Variants in IMPG2 observed in about 807,000 individuals in gnomAD.
The protein encoded by IMPG2 is interphotoreceptor matrix proteoglycan 2.
IMPG2 carries 91 observed loss-of-function variants against 129.2 expected under a neutral mutation model. That is an observed-to-expected ratio of 0.70 (90% confidence interval 0.59 to 0.84). IMPG2 has a LOEUF of 0.84. Among genes scored for constraint, IMPG2 ranks in the 40% least tolerant of loss-of-function variants. The probability of loss-of-function intolerance (pLI) is 0.00; values close to 1 mark genes in which losing one functional copy is unlikely to be tolerated. For synonymous variants in IMPG2, 510 were observed against 517.7 expected (o/e 0.99, Z 0.20); for missense variants, 1,430 against 1,461.7 (o/e 0.98, Z 0.35).
intron 2 of IMPG2, among the ~76,000 whole-genome samples, chr3:101,312,081 A>G (rs1399486103): frequency 6.6e-6 from 1 of 152,156 alleles, no homozygotes; most frequent in African/African-American, 2.4e-5. Flanking sequence ...CCAAAACTAT[A>G]AAACTCTTAG....
rs2107220253 is a variant in IMPG2 at position 101,244,297 on chromosome 3, C to A, written c.2034G>T (p.Glu678Asp). ...EHDDRSTHFP[E>D]EEPLSGPAVP... ...CAGCAGGCCCACTAAGAGGCTCTTC[C>A]TCTGGAAAGTGTGTGGATCTGTCAT... The change falls in exon 13 of 19, where the codon GAG becomes GAT. Residue 678 changes from glutamate (E) to aspartate (D), a missense_variant. By Grantham distance (45) the Glu-to-Asp change is conservative. Transcript: ENST00000193391. The A allele has an allele frequency of 6.2e-7, 1 of 1,614,008 alleles. No individual in the cohort carries two copies. The highest frequency in any genetic ancestry group is 8.5e-7 in the Non-Finnish European group (1 of 1,179,988).
intron 7 of IMPG2, among the ~76,000 whole-genome samples, chr3:101,273,002 C>T (rs1215851010): frequency 3.3e-5 from 5 of 152,082 alleles, no homozygotes; most frequent in African/African-American, 1.2e-4. Flanking sequence ...AGTTTAAGTC[C>T]TATATAGAAT....
At chr3:101,319,552 T>A in intron 2 of IMPG2, 32 bp downstream of exon 2, 1 of 1,611,676 alleles carries the variant, frequency 6.2e-7, no homozygotes, top group Non-Finnish European at 8.5e-7. Flanking sequence ...TGAATTTCAT[T>A]ATGGAGCTGA....
At chr3:101,245,254 T>C (rs1706463520) in intron 12 of IMPG2, among the ~76,000 whole-genome samples, 2 of 152,202 alleles carry the variant, frequency 1.3e-5, no homozygotes, top group African/African-American at 2.4e-5. Context: ...TTCATCTTCC[T>C]CATTTCACAT....
rs56717430 is a variant in IMPG2, at chr3:101,320,020, T to C, written c.86-188A>G. 9.9e-3 allele frequency among the ~76,000 whole-genome samples: 1,502 copies of C among 152,204 alleles called. 28 individuals carry two copies. The highest frequency in any genetic ancestry group is 0.034 in the African/African-American group (1,420 of 41,546). On this transcript the variant is annotated intron_variant, in intron 1 of 18. Coordinates refer to ENST00000193391, the MANE Select transcript of IMPG2 (RefSeq NM_016247.4). ...TCTTTTTCCATTTAACTCCCACTCC[T>C]TTCATTCAAGATTGTTATCAAAATC...
chr3:101,273,439 T>C (rs1336764528), intron 7 of IMPG2, 142 bp downstream of exon 7: 2 of 799,264 alleles, frequency 2.5e-6, no homozygotes, highest in Non-Finnish European at 4.0e-6. Context: ...CAGAGTTTTC[T>C]GAAGAAATGG....
chr3:101,320,419 A>T lies in IMPG2; in HGVS notation c.-47T>A, dbSNP rs369389148. ...GAGGAGAGGACAGAATCCTTAATTGAGTGTCCAAATCCTTGAAACTTCCAA... is the reference window on the plus strand; with the variant it reads ...GAGGAGAGGACAGAATCCTTAATTGTGTGTCCAAATCCTTGAAACTTCCAA... On this transcript the variant is annotated 5_prime_UTR_variant, in exon 1 of 19. Transcript: ENST00000193391. 35 of 1,168,160 alleles carry T rather than the reference A, an allele frequency of 3.0e-5. 1 individual carries two copies. The African/African-American group carries it at 5.0e-4, about 17-fold the overall frequency. 72.4% of individuals were successfully genotyped at this position (1,168,160 alleles called of 1,614,324 possible).
In IMPG2 at chr3:101,244,185, A is replaced by G. The variant is rs779190337; in HGVS notation, c.2146T>C (p.Ser716Pro). Reference protein sequence around the residue: ...ISEVPGVDDYSVTKAPLILTS... With the variant: ...ISEVPGVDDYPVTKAPLILTS... ...AGTATAAGAGGTGCTTTGGTAACTG[A>G]GTAATCATCAACACCAGGTACTTCT... The change falls in exon 13 of 19, where the codon TCA becomes CCA. Residue 716 changes from serine to proline, a missense_variant. Physicochemically the swap from Ser to Pro is moderately conservative, Grantham distance 74. Transcript: ENST00000193391. 7 of 1,613,922 alleles carry G rather than the reference A, an allele frequency of 4.3e-6. No homozygotes were observed. The East Asian group carries it at 1.6e-4, about 36-fold the overall frequency.
intron 2 of IMPG2, among the ~76,000 whole-genome samples, chr3:101,307,718 C>G (rs541178469): frequency 2.0e-4 from 30 of 152,260 alleles, no homozygotes; most frequent in African/African-American, 6.7e-4. Context: ...GGGATACAGG[C>G]AAACTGTATC....
chr3:101,273,807 GA>G (rs1228840444), intron 6 of IMPG2, 65 bp from the exon 7 acceptor site: 23 of 1,476,010 alleles, frequency 1.6e-5, no homozygotes, highest in Non-Finnish European at 2.1e-5. Context: ...AACATTTATT[GA>G]TTGTTTCAAT....
intron 2 of IMPG2, among the ~76,000 whole-genome samples, chr3:101,314,579 A>G (rs942072148): frequency 6.6e-6 from 1 of 152,126 alleles, no homozygotes; most frequent in Non-Finnish European, 1.5e-5. Flanking sequence ...ACTAACTTCT[A>G]TCACCCCAGG....
At chr3:101,256,205 GAAAGAAAGAA>G (rs1272077303) in intron 10 of IMPG2, among the ~76,000 whole-genome samples, 2 of 146,034 alleles carry the variant, frequency 1.4e-5, no homozygotes, top group African/African-American at 5.1e-5. Context: ...AAGAAAGAAA[GAAAGAAAGAA>G]AGAAAAAAAT....
chr3:101,289,337 T>C (rs1240396620), intron 4 of IMPG2, among the ~76,000 whole-genome samples: 1 of 152,172 alleles, frequency 6.6e-6, no homozygotes, highest in African/African-American at 2.4e-5. Flanking sequence ...AAGAATCAAA[T>C]GACCTGGATT....
intron 4 of IMPG2, among the ~76,000 whole-genome samples, chr3:101,277,310 T>C (rs35480081): frequency 0.01 from 1,576 of 152,330 alleles, 17 homozygotes; most frequent in South Asian, 0.047. Context: ...TATTTTCCAG[T>C]GCCTAAAACA....
At chr3:101,243,199 G>A (rs1266988878) in intron 13 of IMPG2, among the ~76,000 whole-genome samples, 1 of 152,216 alleles carries the variant, frequency 6.6e-6, no homozygotes, top group African/African-American at 2.4e-5. Flanking sequence ...GATCACAACA[G>A]TGGAGGCAAC....
At chr3:101,288,494 T>C (rs1041569227) in intron 4 of IMPG2, among the ~76,000 whole-genome samples, 3 of 152,290 alleles carry the variant, frequency 2.0e-5, no homozygotes, top group African/African-American at 7.2e-5. Context: ...ATATGGTACA[T>C]ATACACCATG....
intron 7 of IMPG2, among the ~76,000 whole-genome samples, 159 bp from the exon 8 acceptor site, chr3:101,269,732 A>G (rs1030126074): frequency 6.6e-6 from 1 of 152,032 alleles, no homozygotes; most frequent in South Asian, 2.1e-4. Context: ...GAAAGAAAAA[A>G]TTTTACCTAA....
At chr3:101,236,597 G>A (rs1195199648) in intron 14 of IMPG2, among the ~76,000 whole-genome samples, 1 of 152,164 alleles carries the variant, frequency 6.6e-6, no homozygotes, top group Non-Finnish European at 1.5e-5. Flanking sequence ...AGTGCAAGGG[G>A]TTGGGGTACT....
intron 6 of IMPG2, 86 bp downstream of exon 6, chr3:101,275,577 G>T (rs977452239): frequency 1.3e-5 from 13 of 980,202 alleles, no homozygotes; most frequent in Non-Finnish European, 1.8e-5. Context: ...ATGAAGTCCT[G>T]TGTAGTCCAG....
Sources: gnomAD v4.1 joint callset for allele counts (sites outside exome capture counted in the v4.1 genomes callset) on GRCh38, gnomAD v4.1.1 for gene constraint, MANE v1.5 for transcripts, NCBI Gene and HGNC (gene_info 2026-07-23, HGNC 2026-07-21) for gene names.